The following KLF3 variants were observed in gnomAD, a reference collection of about 807,000 sequenced individuals.
The protein encoded by KLF3 is Krueppel-like factor 3.
A neutral mutation model predicts 32.7 loss-of-function variants in KLF3; 6 were observed. That is an observed-to-expected ratio of 0.18 (90% CI 0.10 to 0.36). The LOEUF (loss-of-function observed/expected upper bound fraction) is 0.36. Among genes scored for constraint, KLF3 ranks in the 10% least tolerant of loss-of-function variants. The probability of loss-of-function intolerance (pLI) is 1.00; values close to 1 mark genes in which losing one functional copy is unlikely to be tolerated. For missense variants in KLF3, 338 were observed against 449.7 expected, an observed-to-expected ratio of 0.75 and a Z score of 2.25; for synonymous variants, 145 against 172.8, an observed-to-expected ratio of 0.84 and a Z score of 1.26.
At chr4:38,683,281 C>A (rs1430702180) in intron 2 of KLF3, among the ~76,000 whole-genome samples, 1 of 151,988 alleles carries the variant, frequency 6.6e-6, no homozygotes, top group African/African-American at 2.4e-5. Context: ...TTATTTCTCC[C>A]CCTCTTCCCA....
At position 38,697,255 on chromosome 4, in the gene KLF3, C is replaced by G; in HGVS notation, c.1030C>G (p.Leu344Val). The G allele has an allele frequency of 6.2e-7, 1 of 1,609,040 alleles. No homozygotes were observed. The highest frequency in any genetic ancestry group is 8.5e-7 in the Non-Finnish European group (1 of 1,176,960). ...HLALHRKRHM[L>V]V ...TGCCCTCCATAGGAAACGCCACATGCTAGTCTGATTGCCTCTGTGTCCTGC... is the reference window on the plus strand; with the variant it reads ...TGCCCTCCATAGGAAACGCCACATGGTAGTCTGATTGCCTCTGTGTCCTGC... The change falls in exon 6 of 6, where the codon CTA becomes GTA. Residue 344 changes from leucine to valine, a missense_variant. Physicochemically the swap from Leu to Val is conservative, Grantham distance 32. Around this residue, in one of 2 missense-constraint regions of KLF3, gnomAD observed 66 missense variants for 136.2 expected, o/e 0.48. Coordinates refer to ENST00000261438, the MANE Select transcript of KLF3 (RefSeq NM_016531.6).
intron 1 of KLF3, among the ~76,000 whole-genome samples, chr4:38,676,843 G>A (rs746547507): frequency 6.6e-6 from 1 of 151,552 alleles, no homozygotes; most frequent in Non-Finnish European, 1.5e-5. Flanking sequence ...TCTGTAATGA[G>A]AACATCCCTT....
intron 2 of KLF3, among the ~76,000 whole-genome samples, chr4:38,681,582 A>C (rs1340025093): frequency 6.6e-6 from 1 of 152,192 alleles, no homozygotes; most frequent in Non-Finnish European, 1.5e-5. Context: ...TGCAGGTACA[A>C]CACCAGTGCC....
Position 38,689,835 on chromosome 4 carries a change from C to T in KLF3, c.651C>T (p.Pro217=). 2.2e-6 allele frequency: 3 copies of T among 1,352,550 alleles called. No individual in the cohort carries two copies. Among genetic ancestry groups the T allele is most frequent in the African/African-American group, 1.6e-5 (1 of 63,168 alleles). The allele number at this position is 1,352,550 out of a possible 1,614,324, so 83.8% of individuals were successfully genotyped here. Residue 217 remains proline, a synonymous_variant, in exon 4 of 6, where the codon CCC becomes CCT. Transcript: ENST00000261438. ...RTDYYPEEMS[P]PLMNSVSPPQ... ...ATTATTATCCTGAAGAAATGTCACC[C>T]CCCTTAATGAACTCAGTGTCCCCCC...
intron 2 of KLF3, among the ~76,000 whole-genome samples, chr4:38,683,244 A>C (rs59048840): frequency 0.069 from 10,585 of 152,320 alleles, 420 homozygotes; most frequent in Non-Finnish European, 0.072. Context: ...TAATTTCTAT[A>C]GATGAATAAA....
chr4:38,695,873 A>G (rs1359035874), intron 5 of KLF3, among the ~76,000 whole-genome samples: 2 of 152,156 alleles, frequency 1.3e-5, no homozygotes. Context: ...TGCTTTTCTG[A>G]GTCTTGCAAA....
chr4:38,668,194 A>T (rs1398048442), intron 1 of KLF3, among the ~76,000 whole-genome samples: 1 of 152,216 alleles, frequency 6.6e-6, no homozygotes, highest in African/African-American at 2.4e-5. Flanking sequence ...GTTGTGGGTT[A>T]ATGAATTTCT....
At chr4:38,685,970 T>C (rs1324243708) in intron 2 of KLF3, among the ~76,000 whole-genome samples, 2 of 152,240 alleles carry the variant, frequency 1.3e-5, no homozygotes, top group Non-Finnish European at 1.5e-5. Context: ...TTTAAATCTA[T>C]TTAATACTTA....
At chr4:38,686,802 T>C (rs1722714252) in intron 2 of KLF3, among the ~76,000 whole-genome samples, 1 of 152,170 alleles carries the variant, frequency 6.6e-6, no homozygotes, top group South Asian at 2.1e-4. Context: ...CCAAACCAGA[T>C]AAAGATAAAC....
intron 1 of KLF3, among the ~76,000 whole-genome samples, chr4:38,675,398 C>CA (rs397963719): frequency 6.6e-6 from 1 of 151,718 alleles, no homozygotes; most frequent in Non-Finnish European, 1.5e-5. Context: ...CTTCCCCCCC[C>CA]TTTTGGATGC....
intron 5 of KLF3, among the ~76,000 whole-genome samples, chr4:38,696,500 G>T (rs1054623351): frequency 5.9e-5 from 9 of 152,180 alleles, no homozygotes; most frequent in African/African-American, 9.6e-5. Context: ...GGAGGGGGTT[G>T]TGAAAACCTG....
intron 2 of KLF3, among the ~76,000 whole-genome samples, chr4:38,681,875 G>A (rs1454448816): frequency 2.0e-5 from 3 of 152,134 alleles, no homozygotes; most frequent in Non-Finnish European, 2.9e-5. Flanking sequence ...CGGGGGTCAC[G>A]CCGAGGCCCT....
chr4:38,690,172 C>T, intron 4 of KLF3: 1 of 363,868 alleles, frequency 2.7e-6, no homozygotes, highest in Non-Finnish European at 4.9e-6. Flanking sequence ...TCCATTCTTC[C>T]AGGCTATGTA....
In KLF3 at chr4:38,677,694, A is replaced by G. The variant is rs568258262; in HGVS notation, c.-39-2893A>G. Reference sequence around the variant, plus strand: ...GGATGTAGGCAGCTGTTAACTTTGAAACTGAATCTAGTCAGAGTTTTATTT... The same window carrying G: ...GGATGTAGGCAGCTGTTAACTTTGAGACTGAATCTAGTCAGAGTTTTATTT... On this transcript the variant is annotated intron_variant, in intron 1 of 5. Coordinates refer to ENST00000261438, the MANE Select transcript of KLF3 (RefSeq NM_016531.6). Among the ~76,000 whole-genome samples, 5 of 152,300 alleles carry G rather than the reference A, an allele frequency of 3.3e-5. No homozygotes were observed. In the East Asian group the frequency reaches 9.6e-4, roughly 29 times the overall value.
At chr4:38,693,013 CTG>C (rs1722917554) in intron 4 of KLF3, among the ~76,000 whole-genome samples, 1 of 149,472 alleles carries the variant, frequency 6.7e-6, no homozygotes, top group African/African-American at 2.5e-5. Flanking sequence ...AAAACTCTGT[CTG>C]TAAACCTCTC....
intron 1 of KLF3, among the ~76,000 whole-genome samples, chr4:38,679,658 T>C (rs1469971841): frequency 6.6e-6 from 1 of 152,182 alleles, no homozygotes; most frequent in East Asian, 1.9e-4. Context: ...TTAAGTAAAC[T>C]GATGTGTTCA....
intron 1 of KLF3, among the ~76,000 whole-genome samples, chr4:38,676,694 G>A (rs1319069300): frequency 6.6e-6 from 1 of 151,924 alleles, no homozygotes; most frequent in East Asian, 1.9e-4. Flanking sequence ...GAAATAGTGA[G>A]TTTGATTCTA....
intron 5 of KLF3, among the ~76,000 whole-genome samples, chr4:38,696,129 C>G (rs57987238): frequency 0.044 from 6,288 of 144,472 alleles, 379 homozygotes; most frequent in African/African-American, 0.14. Context: ...GGATGTTACC[C>G]ACTTCCAGCC....
chr4:38,681,237 C>T (rs562588310), intron 2 of KLF3, among the ~76,000 whole-genome samples: 2 of 152,296 alleles, frequency 1.3e-5, no homozygotes, highest in Admixed American at 1.3e-4. Context: ...CAGCATAGAA[C>T]TTAGGCCACA....
Sources: allele counts gnomAD v4.1 joint callset (sites outside exome capture counted in the v4.1 genomes callset), GRCh38; gene constraint gnomAD v4.1.1; regional missense constraint gnomAD v4.1.1; transcripts MANE v1.5; gene names NCBI Gene and HGNC (gene_info 2026-07-23, HGNC 2026-07-21).